Variants in SNTG2 observed in about 807,000 individuals in gnomAD.
SNTG2 encodes syntrophin gamma 2.
SNTG2 carries 74 observed loss-of-function variants against 70.9 expected under a neutral mutation model. That is an observed-to-expected ratio of 1.04 (90% CI 0.86 to 1.27). The LOEUF (loss-of-function observed/expected upper bound fraction) is 1.27, where lower values mean the gene tolerates loss of function less well. Among genes scored for constraint, SNTG2 ranks in the 50% most tolerant of loss-of-function variants. The probability of loss-of-function intolerance (pLI) is 0.00; values close to 1 mark genes in which losing one functional copy is unlikely to be tolerated. For synonymous variants in SNTG2, 278 were observed against 273.8 expected (o/e 1.02, Z -0.15); for missense variants, 717 against 690.7 (o/e 1.04, Z -0.43).
intron 8 of SNTG2, among the ~76,000 whole-genome samples, chr2:1,173,795 A>G (rs1671290123): frequency 6.6e-6 from 1 of 152,178 alleles, no homozygotes; most frequent in Non-Finnish European, 1.5e-5. Context: ...CACAGGGCTC[A>G]CGCCCTCCTC....
At chr2:1,182,323 C>A (rs1671960428) in intron 8 of SNTG2, among the ~76,000 whole-genome samples, 1 of 136,580 alleles carries the variant, frequency 7.3e-6, no homozygotes, top group Non-Finnish European at 1.5e-5. Flanking sequence ...CAAAATATTT[C>A]TGATAGTAAA....
chr2:1,028,274 C>T (rs1660605009), intron 1 of SNTG2, among the ~76,000 whole-genome samples: 2 of 149,774 alleles, frequency 1.3e-5, no homozygotes, highest in African/African-American at 5.1e-5. Context: ...CAGTAAGTAA[C>T]TCATGCATCT....
At chr2:1,021,785 A>G (rs1333922460) in intron 1 of SNTG2, among the ~76,000 whole-genome samples, 1 of 151,504 alleles carries the variant, frequency 6.6e-6, no homozygotes, top group African/African-American at 2.4e-5. Flanking sequence ...ATTTATTATT[A>G]TTATTAATTT....
chr2:1,290,481 A>G (rs1425612001), intron 14 of SNTG2, among the ~76,000 whole-genome samples: 1 of 151,986 alleles, frequency 6.6e-6, no homozygotes, highest in East Asian at 1.9e-4. Context: ...CACCCAGCTA[A>G]TTTATGTATT....
At chr2:985,476 A>T (rs1302981689) in intron 1 of SNTG2, among the ~76,000 whole-genome samples, 1 of 152,182 alleles carries the variant, frequency 6.6e-6, no homozygotes, top group Non-Finnish European at 1.5e-5. Context: ...CCTGCTAGGA[A>T]TAAGAGGGCC....
At chr2:985,748 C>T (rs1424681408) in intron 1 of SNTG2, among the ~76,000 whole-genome samples, 1 of 152,044 alleles carries the variant, frequency 6.6e-6, no homozygotes, top group East Asian at 1.9e-4. Flanking sequence ...AGCAGTTTCA[C>T]CTAAAGGAAG....
intron 1 of SNTG2, among the ~76,000 whole-genome samples, chr2:1,048,984 A>G (rs1331765733): frequency 6.6e-6 from 1 of 152,138 alleles, no homozygotes; most frequent in African/African-American, 2.4e-5. Context: ...TTTGGGTATT[A>G]TACATTTTAA....
At chr2:1,176,429 C>G (rs1671481461) in intron 8 of SNTG2, among the ~76,000 whole-genome samples, 1 of 73,664 alleles carries the variant, frequency 1.4e-5, no homozygotes, top group African/African-American at 4.4e-5. Context: ...AACAAACCTG[C>G]ACATGTACCC....
At chr2:1,336,497 CT>C (rs1444237799) in intron 16 of SNTG2, among the ~76,000 whole-genome samples, 4 of 152,194 alleles carry the variant, frequency 2.6e-5, no homozygotes, top group African/African-American at 9.7e-5. Context: ...GCTTTCATCG[CT>C]TATGCCTTTG....
chr2:1,122,337 C>A (rs1253266417), intron 4 of SNTG2, among the ~76,000 whole-genome samples: 1 of 152,074 alleles, frequency 6.6e-6, no homozygotes, highest in African/African-American at 2.4e-5. Context: ...TTCTGATGAA[C>A]AAATGACAGA....
intron 1 of SNTG2, among the ~76,000 whole-genome samples, chr2:1,015,896 G>C (rs6711305): frequency 6.6e-6 from 1 of 152,072 alleles, no homozygotes; most frequent in Non-Finnish European, 1.5e-5. Context: ...AAGACTTGCA[G>C]ATGGCCCATG....
At chr2:1,154,757 T>C (rs992475126) in intron 6 of SNTG2, among the ~76,000 whole-genome samples, 2 of 152,086 alleles carry the variant, frequency 1.3e-5, no homozygotes, top group Admixed American at 1.3e-4. Flanking sequence ...ACTCTCCTAC[T>C]GGCTGAGAAA....
chr2:1,360,830 A>G (rs4267548), intron 16 of SNTG2, among the ~76,000 whole-genome samples: 109,766 of 152,082 alleles, frequency 0.72, 39,917 homozygotes, highest in East Asian at 0.94. Flanking sequence ...GAGTCTCTAA[A>G]TAAGAGAGCA....
rs1204867056 is a variant in SNTG2 at position 1,267,364 on chromosome 2, G to C, written c.1078-1G>C. ...TTTCCAATCCATGCTCTGTTTTTCA[G>C]TTCTGGCTCACAGAGGACTGCTGGT... On this transcript the variant is annotated splice_acceptor_variant, in intron 13 of 16. Transcript: ENST00000308624. LOFTEE classifies it high-confidence loss of function. The C allele has an allele frequency of 1.3e-6, 2 of 1,593,236 alleles. No homozygotes were observed. The highest frequency in any genetic ancestry group is 2.7e-5 in the African/African-American group (2 of 74,736).
chr2:1,073,360 A>C (rs1011190311), intron 1 of SNTG2, among the ~76,000 whole-genome samples: 1 of 152,360 alleles, frequency 6.6e-6, no homozygotes, highest in East Asian at 1.9e-4. Context: ...CCGTCAGCCT[A>C]CAACAACGAG....
intron 1 of SNTG2, among the ~76,000 whole-genome samples, chr2:1,006,248 A>G (rs953303417): frequency 2.0e-5 from 3 of 151,842 alleles, no homozygotes; most frequent in African/African-American, 7.3e-5. Context: ...CTAGCATGGC[A>G]CATGTATACA....
At chr2:1,281,843 A>G (rs1679562141) in intron 14 of SNTG2, among the ~76,000 whole-genome samples, 1 of 152,054 alleles carries the variant, frequency 6.6e-6, no homozygotes, top group Non-Finnish European at 1.5e-5. Context: ...CACCCAGCAC[A>G]AGCACCCCAC....
At chr2:1,221,979 GTCTC>G (rs1175912366) in intron 9 of SNTG2, among the ~76,000 whole-genome samples, 1 of 7,998 alleles carries the variant, frequency 1.3e-4, no homozygotes, top group Non-Finnish European at 2.4e-4. Flanking sequence ...CTCTGTCTCT[GTCTC>G]TCTCTGTCTC....
At chr2:1,283,115 GC>G (rs1679622191) in intron 14 of SNTG2, among the ~76,000 whole-genome samples, 1 of 152,264 alleles carries the variant, frequency 6.6e-6, no homozygotes, top group Admixed American at 6.5e-5. Flanking sequence ...CCTGGCTGCA[GC>G]CATGGACAAA....
Sources: allele counts gnomAD v4.1 joint callset (sites outside exome capture counted in the v4.1 genomes callset), GRCh38; gene constraint gnomAD v4.1.1; transcripts MANE v1.5; gene names NCBI Gene and HGNC (gene_info 2026-07-23, HGNC 2026-07-21).